The following DNAH17 variants were observed in gnomAD, a reference collection of about 807,000 sequenced individuals.
DNAH17 encodes the protein dynein axonemal heavy chain 17, also known as axonemal beta dynein heavy chain 17.
Under a neutral mutation model 485.6 loss-of-function variants are expected in DNAH17, and 376 were observed. That is an observed-to-expected ratio of 0.77 (90% CI 0.71 to 0.84). The LOEUF (loss-of-function observed/expected upper bound fraction) is 0.84. Ranked by LOEUF, DNAH17 falls within the 40% of genes least tolerant of loss-of-function variation. The pLI is 0.00. For synonymous variants in DNAH17, 3,031 were observed against 2,405.9 expected, an observed-to-expected ratio of 1.26 and a Z score of -7.60; for missense variants, 6,370 against 5,839.3, an observed-to-expected ratio of 1.09 and a Z score of -2.96.
At chr17:78,539,928 G>A (rs2091476360) in intron 17 of DNAH17, 48 bp from the exon 18 acceptor site, 3 of 1,512,670 alleles carry the variant, frequency 2.0e-6, no homozygotes, top group Non-Finnish European at 2.7e-6. Context: ...GGCTGTGCTT[G>A]CTCTTTGATC....
intron 54 of DNAH17, among the ~76,000 whole-genome samples, chr17:78,473,001 C>A (rs1004272848): frequency 6.6e-5 from 10 of 152,220 alleles, no homozygotes; most frequent in Non-Finnish European, 1.0e-4. Context: ...CCAGGGTCCA[C>A]CCTCCACCCC....
chr17:78,428,428 G>A (rs374205390), intron 77 of DNAH17, 97 bp downstream of exon 77: 1 of 1,429,284 alleles, frequency 7.0e-7, no homozygotes, highest in Non-Finnish European at 9.6e-7. Context: ...TACCTCACCA[G>A]CAAGTTCCCC....
chr17:78,522,490 G>C, intron 25 of DNAH17: 1 of 333,574 alleles, frequency 3.0e-6, no homozygotes, highest in Non-Finnish European at 6.0e-6. Context: ...GAAGCACAAG[G>C]AGAAAGGGGC....
chr17:78,563,106 C>T (rs1338240970), intron 11 of DNAH17, among the ~76,000 whole-genome samples: 1 of 152,184 alleles, frequency 6.6e-6, no homozygotes, highest in African/African-American at 2.4e-5. Flanking sequence ...ATTTTTCAGG[C>T]CCCCAAGAGT....
chr17:78,445,516 G>A (rs1350305428), intron 70 of DNAH17, 42 bp downstream of exon 70: 4 of 1,549,210 alleles, frequency 2.6e-6, no homozygotes, highest in East Asian at 2.4e-5. Context: ...GGGGCTCCAC[G>A]GCGGGGAGAA....
chr17:78,491,587 G>T lies in DNAH17; in HGVS notation c.6542-17C>A. On this transcript the variant is annotated splice_polypyrimidine_tract_variant and intron_variant, in intron 42 of 80. Transcript: ENST00000389840. The stretch of plus-strand genomic sequence containing the variant: ...AGAACAGGCCTGGGGGAGGCGCGTG[G>T]TATGACCCCGGGCCCTTCACTCCGG... 6.2e-7 allele frequency: 1 copy of T among 1,612,484 alleles called. No individual in the cohort carries two copies. The highest frequency in any genetic ancestry group is 8.5e-7 in the Non-Finnish European group (1 of 1,179,454).
Position 78,476,779 on chromosome 17 carries a change from C to A in DNAH17, c.7993-46G>T. The A allele has an allele frequency of 1.9e-6, 3 of 1,586,426 alleles. No homozygotes were observed. The South Asian group carries it at 3.5e-5, about 18-fold the overall frequency. On this transcript the variant is annotated intron_variant, in intron 51 of 80. Transcript: ENST00000389840. ...TCAGCACCGTCAGCTGTTACGAAGG[C>A]GAGCCCAGAGCTGGACACAGATGAC...
intron 51 of DNAH17, among the ~76,000 whole-genome samples, chr17:78,477,673 G>A (rs149275058): frequency 8.5e-5 from 13 of 152,266 alleles, no homozygotes; most frequent in South Asian, 4.1e-4. Flanking sequence ...CACTGCACCC[G>A]GCTGGGCTGA....
intron 37 of DNAH17, 80 bp from the exon 38 acceptor site, chr17:78,496,112 A>T: frequency 6.8e-7 from 1 of 1,467,438 alleles, no homozygotes; most frequent in Non-Finnish European, 9.1e-7. Flanking sequence ...CATATGTTAA[A>T]GCATGAGGCT....
Position 78,562,324 on chromosome 17 carries a change from C to T in DNAH17, c.1570-344G>A, listed in dbSNP as rs557603040. Among the ~76,000 whole-genome samples, 5 of 152,312 alleles carry T rather than the reference C, an allele frequency of 3.3e-5. No individual in the cohort carries two copies. In the East Asian group the frequency reaches 9.6e-4, roughly 29 times the overall value. ...ATAGGCTGAGCACCATGGCTCACAC[C>T]TGTTATTCCAACACTTTGAGGGGCC... is the stretch of plus-strand genomic sequence containing the variant. On this transcript the variant is annotated intron_variant, in intron 11 of 80. Coordinates refer to ENST00000389840, the MANE Select transcript of DNAH17 (RefSeq NM_173628.4).
At chr17:78,488,991 G>A (rs964609154) in intron 44 of DNAH17, among the ~76,000 whole-genome samples, 8 of 152,138 alleles carry the variant, frequency 5.3e-5, no homozygotes, top group African/African-American at 1.9e-4. Flanking sequence ...CCAGCACTGG[G>A]AGAGGATAAA....
At chr17:78,460,827 T>C (rs967688618) in intron 58 of DNAH17, among the ~76,000 whole-genome samples, 4 of 152,006 alleles carry the variant, frequency 2.6e-5, no homozygotes, top group African/African-American at 9.7e-5. Flanking sequence ...CGTCTCAGAG[T>C]GTATAGCTCA....
chr17:78,449,246 G>A (rs560271813), intron 69 of DNAH17, among the ~76,000 whole-genome samples, 168 bp downstream of exon 69: 11 of 152,100 alleles, frequency 7.2e-5, no homozygotes, highest in East Asian at 1.9e-4. Context: ...CCTGTTCCAC[G>A]TCAGGCATCT....
chr17:78,558,185 C>T lies in DNAH17; in HGVS notation c.2101G>A (p.Glu701Lys), dbSNP rs753565731. 2 of 1,613,704 alleles carry T rather than the reference C, an allele frequency of 1.2e-6. No individual in the cohort carries two copies. ...GTTTCGTTCTCTGAGAACAGACTCTCCGCACTGTCTGGAATCTCTTTCTGT... is the reference window on the plus strand; with the variant it reads ...GTTTCGTTCTCTGAGAACAGACTCTTCGCACTGTCTGGAATCTCTTTCTGT... The part of the protein sequence containing the change: ...QQQKEIPDSA[E>K]SLFSENETFR... Residue 701 changes from glutamate (E) to lysine (K), a missense_variant, in exon 14 of 81, where the codon GAG becomes AAG. By Grantham distance (56) the Glu-to-Lys change is moderately conservative (BLOSUM62 1). Transcript: ENST00000389840.
rs1332026466 is a variant in DNAH17, at chr17:78,494,167, T to C, written c.6277A>G (p.Lys2093Glu). ...AGCTTGAGCTCCACGATGCTCTGCT[T>C]GATGATCTGGGGAGACATGGATGAG... ...KRDLNFEKII[K>E]QSIVELKLQA... The change falls in exon 41 of 81, where the codon AAG (lysine) becomes GAG (glutamate). Residue 2093 changes from lysine (K) to glutamate (E), a missense_variant. Physicochemically the swap from Lys to Glu is moderately conservative, Grantham distance 56. Coordinates refer to ENST00000389840, the MANE Select transcript of DNAH17 (RefSeq NM_173628.4). The C allele has an allele frequency of 6.2e-7, 1 of 1,611,410 alleles. No individual in the cohort carries two copies. The highest frequency in any genetic ancestry group is 8.5e-7 in the Non-Finnish European group (1 of 1,179,198).
Position 78,485,765 on chromosome 17 carries a change from AGGGGAG to A in DNAH17, c.7276-14_7276-9del. 1 of 1,602,872 alleles carries A rather than the reference AGGGGAG, an allele frequency of 6.2e-7. No individual in the cohort carries two copies. Among genetic ancestry groups the A allele is most frequent in the Non-Finnish European group, 8.5e-7 (1 of 1,177,866 alleles). ...GGTGTGGACCAAAGAGGCCTGGGGC[AGGGGAG>A]GGAAGGGGAGGGAGCTGTGATTCTC... On this transcript the variant is annotated splice_polypyrimidine_tract_variant and intron_variant, in intron 46 of 80. Coordinates refer to ENST00000389840, the MANE Select transcript of DNAH17 (RefSeq NM_173628.4).
rs2087042930 is a variant in DNAH17 at position 78,440,752 on chromosome 17, A to T, written c.11677+299T>A. Reference sequence around the variant, plus strand: ...TTCCAGTTCTTTTGGGTGTATACTCAGGCGTGGAATTGCTGGCTCTTGTGC... The same window carrying T: ...TTCCAGTTCTTTTGGGTGTATACTCTGGCGTGGAATTGCTGGCTCTTGTGC... On this transcript the variant is annotated intron_variant, in intron 72 of 80. Coordinates refer to ENST00000389840, the MANE Select transcript of DNAH17 (RefSeq NM_173628.4). Among the ~76,000 whole-genome samples, 4 of 152,208 alleles carry T rather than the reference A, an allele frequency of 2.6e-5. No homozygotes were observed. The South Asian group carries it at 8.3e-4, about 32-fold the overall frequency.
In DNAH17 at chr17:78,536,178, A is replaced by G. The variant is rs537495568; in HGVS notation, c.2859+1121T>C. On this transcript the variant is annotated intron_variant, in intron 19 of 80. Coordinates refer to ENST00000389840, the MANE Select transcript of DNAH17 (RefSeq NM_173628.4). ...ACTGAGGCCGGGCACGGTGGCTCACACCTGTAATCCCAGCACTTTGGGAGG... is the reference window on the plus strand; with the variant it reads ...ACTGAGGCCGGGCACGGTGGCTCACGCCTGTAATCCCAGCACTTTGGGAGG... Among the ~76,000 whole-genome samples, 39 of 152,036 alleles carry G rather than the reference A, an allele frequency of 2.6e-4. 1 individual carries two copies. The highest frequency in any genetic ancestry group is 3.4e-3 in the Middle Eastern group (1 of 292).
intron 77 of DNAH17, among the ~76,000 whole-genome samples, chr17:78,428,142 G>T (rs1359277486): frequency 6.6e-6 from 1 of 152,154 alleles, no homozygotes; most frequent in South Asian, 2.1e-4. Flanking sequence ...CTGCACATCC[G>T]GCTGCCCGGT....
Sources: gnomAD v4.1 joint callset for allele counts (sites outside exome capture counted in the v4.1 genomes callset) on GRCh38, gnomAD v4.1.1 for gene constraint, MANE v1.5 for transcripts, NCBI Gene and HGNC (gene_info 2026-07-23, HGNC 2026-07-21) for gene names.